Variants in ONECUT1 observed in about 807,000 individuals in gnomAD.
ONECUT1 encodes hepatocyte nuclear factor 6.
ONECUT1 carries 12 observed loss-of-function variants against 25.6 expected under a neutral mutation model. The ratio of observed to expected loss-of-function variants is 0.47; its 90% CI spans 0.30 to 0.76. ONECUT1 has a LOEUF of 0.76. ONECUT1 is among the 30% of genes least tolerant of loss of function. The probability of loss-of-function intolerance (pLI) is 0.07; values close to 1 mark genes in which losing one functional copy is unlikely to be tolerated. For missense variants in ONECUT1, 620 were observed against 651.2 expected (o/e 0.95, Z 0.52); for synonymous variants, 285 against 270.2 (o/e 1.05, Z -0.54).
intron 1 of ONECUT1, among the ~76,000 whole-genome samples, chr15:52,768,192 T>C (rs555980018): frequency 2.0e-5 from 3 of 152,194 alleles, no homozygotes; most frequent in Non-Finnish European, 4.4e-5. Context: ...AAGAGTAGAA[T>C]TGGGATGTTC....
intron 1 of ONECUT1, among the ~76,000 whole-genome samples, chr15:52,758,481 A>T (rs1225820735): frequency 6.6e-6 from 1 of 152,174 alleles, no homozygotes; most frequent in Non-Finnish European, 1.5e-5. Flanking sequence ...GCCATCAAAC[A>T]GTCTTCCACT....
At chr15:52,777,900 C>T (rs2083814618) in intron 1 of ONECUT1, among the ~76,000 whole-genome samples, 1 of 152,054 alleles carries the variant, frequency 6.6e-6, no homozygotes, top group African/African-American at 2.4e-5. Flanking sequence ...TAATGAAATT[C>T]CCTCTTTTAC....
intron 1 of ONECUT1, among the ~76,000 whole-genome samples, chr15:52,762,430 C>T (rs1172830105): frequency 6.6e-6 from 1 of 152,196 alleles, no homozygotes; most frequent in Non-Finnish European, 1.5e-5. Context: ...CCCCAGAACC[C>T]TTTTTGGTGG....
At chr15:52,763,279 G>A (rs185845230) in intron 1 of ONECUT1, among the ~76,000 whole-genome samples, 230 of 152,248 alleles carry the variant, frequency 1.5e-3, no homozygotes, top group African/African-American at 5.2e-3. Flanking sequence ...GTTTATGGGT[G>A]AGGTCACCCA....
In ONECUT1 at chr15:52,773,794, C is replaced by G. The variant is rs1028639521; in HGVS notation, c.1105+14986G>C. On this transcript the variant is annotated intron_variant, in intron 1 of 1. Coordinates refer to ENST00000305901, the MANE Select transcript of ONECUT1 (RefSeq NM_004498.4). ...GTGAAATCTGGGACAATTTGAGCAC[C>G]AAAATAGTTAAGTACAGTAATGAAT... Among the ~76,000 whole-genome samples the G allele has an allele frequency of 7.9e-5, 12 of 152,008 alleles. No homozygotes were observed. The South Asian group carries it at 1.9e-3, about 24-fold the overall frequency.
chr15:52,759,445 G>T (rs1036718594), intron 1 of ONECUT1, among the ~76,000 whole-genome samples: 2 of 152,136 alleles, frequency 1.3e-5, no homozygotes, highest in Non-Finnish European at 2.9e-5. Context: ...AGGCCTCAAG[G>T]CTTTAGAGTC....
At chr15:52,774,141 A>ACACG (rs1396261420) in intron 1 of ONECUT1, among the ~76,000 whole-genome samples, 2 of 151,674 alleles carry the variant, frequency 1.3e-5, no homozygotes. Flanking sequence ...ACACACACAC[A>ACACG]CACACACACA....
chr15:52,762,829 C>A (rs1223929163), intron 1 of ONECUT1, among the ~76,000 whole-genome samples: 1 of 152,164 alleles, frequency 6.6e-6, no homozygotes, highest in Non-Finnish European at 1.5e-5. Context: ...CCCACAGAAA[C>A]AAGTCATACT....
intron 1 of ONECUT1, among the ~76,000 whole-genome samples, chr15:52,768,253 C>G (rs969565674): frequency 2.6e-5 from 4 of 152,112 alleles, no homozygotes; most frequent in African/African-American, 7.2e-5. Context: ...CCTAGTTACC[C>G]TGATTTTATC....
chr15:52,778,674 G>A (rs538335476), intron 1 of ONECUT1, among the ~76,000 whole-genome samples: 1 of 152,332 alleles, frequency 6.6e-6, no homozygotes, highest in South Asian at 2.1e-4. Context: ...GCCTGGATAG[G>A]TTATTTCCTC....
intron 1 of ONECUT1, among the ~76,000 whole-genome samples, chr15:52,758,137 T>C (rs1254700385): frequency 6.6e-6 from 1 of 152,240 alleles, no homozygotes; most frequent in East Asian, 1.9e-4. Context: ...TCCTCACCTG[T>C]AGAATGTAAG....
intron 1 of ONECUT1, among the ~76,000 whole-genome samples, chr15:52,777,472 A>G (rs1348829612): frequency 6.6e-6 from 1 of 152,168 alleles, no homozygotes. Context: ...ATTGATGGCA[A>G]TGTTTTGTGT....
At position 52,757,232 on chromosome 15, in the gene ONECUT1, G is replaced by A. The variant is rs573376160; in HGVS notation, c.*323C>T. On this transcript the variant is annotated 3_prime_UTR_variant, in exon 2 of 2. Transcript: ENST00000305901. Reference sequence around the variant, plus strand: ...GAAAGTTCGATCTTAAAAGATGTCCGCTCAATGGCTCAAAATCACTATGCT... The same window carrying A: ...GAAAGTTCGATCTTAAAAGATGTCCACTCAATGGCTCAAAATCACTATGCT... The A allele has an allele frequency of 1.3e-4, 35 of 278,304 alleles. No individual in the cohort carries two copies. The South Asian group carries it at 2.0e-3, about 16-fold the overall frequency. 17.2% of individuals were successfully genotyped at this position (278,304 alleles called of 1,614,324 possible). A position where few individuals can be genotyped will look rare whatever the true frequency, so the allele number is the denominator to read the frequency against.
In ONECUT1 at chr15:52,788,642, G is replaced by T; in HGVS notation, c.1105+138C>A. 5.4e-6 allele frequency: 5 copies of T among 920,828 alleles called. No homozygotes were observed. The highest frequency in any genetic ancestry group is 8.0e-6 in the Non-Finnish European group (5 of 623,208). The allele number at this position is 920,828 out of a possible 1,614,324, so 57.0% of individuals were successfully genotyped here. The stretch of plus-strand genomic sequence containing the variant: ...CACAGCCCTGTGCTGGCCCTTCCAG[G>T]CACAGGGAGTCCCCCTTCTAGGGGT... On this transcript the variant is annotated intron_variant, in intron 1 of 1. Coordinates refer to ENST00000305901, the MANE Select transcript of ONECUT1 (RefSeq NM_004498.4). This position sits in a 1 kb window ranked among gnomAD's most constrained non-coding sequence, Gnocchi z 4.3.
intron 1 of ONECUT1, among the ~76,000 whole-genome samples, chr15:52,766,779 G>A (rs55807522): frequency 3.9e-5 from 6 of 152,184 alleles, no homozygotes; most frequent in South Asian, 4.1e-4. Flanking sequence ...AAGCCAGGTC[G>A]GGAAAGTCAT....
intron 1 of ONECUT1, among the ~76,000 whole-genome samples, chr15:52,759,069 T>A (rs2083690350): frequency 6.6e-6 from 1 of 152,226 alleles, no homozygotes; most frequent in Admixed American, 6.5e-5. Flanking sequence ...GAGCAGCCAC[T>A]GCCACCTTTA....
intron 1 of ONECUT1, among the ~76,000 whole-genome samples, chr15:52,779,872 T>C (rs1460135902): frequency 6.6e-6 from 1 of 152,176 alleles, no homozygotes; most frequent in Non-Finnish European, 1.5e-5. Context: ...GTATGCATAA[T>C]AACCGAGTGT....
At chr15:52,780,945 T>C (rs2083837193) in intron 1 of ONECUT1, 3 of 1,186,456 alleles carry the variant, frequency 2.5e-6, no homozygotes, top group Non-Finnish European at 3.2e-6. Context: ...ATGCAGTGTT[T>C]GACAGAAATT....
intron 1 of ONECUT1, among the ~76,000 whole-genome samples, chr15:52,766,681 C>T (rs2141449965): frequency 6.6e-6 from 1 of 152,300 alleles, no homozygotes; most frequent in South Asian, 2.1e-4. Flanking sequence ...GGATAGTTGT[C>T]TCCTTGTGTG....
Sources: allele counts gnomAD v4.1 joint callset (sites outside exome capture counted in the v4.1 genomes callset), GRCh38; gene constraint gnomAD v4.1.1; non-coding constraint Gnocchi (gnomAD v3.1); transcripts MANE v1.5; gene names NCBI Gene and HGNC (gene_info 2026-07-23, HGNC 2026-07-21).